The following IMMT variants were observed in gnomAD, a reference collection of about 807,000 sequenced individuals.
The protein encoded by IMMT is MICOS complex subunit MIC60.
A neutral mutation model predicts 92.7 loss-of-function variants in IMMT; 40 were observed. The observed-to-expected ratio is 0.43, with a 90% CI of 0.34 to 0.56. IMMT has a LOEUF of 0.56. Ranked by LOEUF, IMMT falls within the 20% of genes least tolerant of loss-of-function variation. The pLI is 0.03. For synonymous variants in IMMT, 322 were observed against 336.1 expected, an observed-to-expected ratio of 0.96 and a Z score of 0.46; for missense variants, 831 against 912.1, an observed-to-expected ratio of 0.91 and a Z score of 1.14.
At chr2:86,178,603 G>A (rs1181723343) in intron 3 of IMMT, among the ~76,000 whole-genome samples, 1 of 151,092 alleles carries the variant, frequency 6.6e-6, no homozygotes, top group Non-Finnish European at 1.5e-5. Context: ...TCCAGCCTGG[G>A]CAACAGAGCA....
chr2:86,162,059 A>G lies in IMMT; in HGVS notation c.813T>C (p.Ser271=), dbSNP rs374856898. The change falls in exon 8 of 15, where the codon TCT becomes TCC. Residue 271 remains serine, a synonymous_variant. Coordinates refer to ENST00000410111, the MANE Select transcript of IMMT (RefSeq NM_006839.3). The stretch of plus-strand genomic sequence containing the variant: ...CACCCTCCACTGTGCGCCACTGAGC[A>G]GATTTCTTCTCGCCTGCAATCTAAA... ...DNSEIAGEKK[S]AQWRTVEGAL... is the part of the protein sequence containing the mutation. The G allele has an allele frequency of 6.3e-4, 1,007 of 1,595,704 alleles. 1 individual carries two copies. Among genetic ancestry groups the G allele is most frequent in the Non-Finnish European group, 8.0e-4 (936 of 1,173,094 alleles).
intron 3 of IMMT, among the ~76,000 whole-genome samples, chr2:86,176,938 T>G (rs541885752): frequency 6.6e-6 from 1 of 152,224 alleles, no homozygotes; most frequent in South Asian, 2.1e-4. Context: ...CCTTGACTTA[T>G]GAAGCTGCAA....
intron 2 of IMMT, among the ~76,000 whole-genome samples, chr2:86,180,920 C>T (rs1187198539): frequency 6.6e-6 from 1 of 151,836 alleles, no homozygotes; most frequent in East Asian, 1.9e-4. Flanking sequence ...TAATAAAATG[C>T]CAAATAAATT....
chr2:86,187,050 C>G (rs1358871696), intron 1 of IMMT, among the ~76,000 whole-genome samples: 1 of 152,038 alleles, frequency 6.6e-6, no homozygotes, highest in African/African-American at 2.4e-5. Flanking sequence ...GACAAAATCC[C>G]CTTAACATAA....
At chr2:86,153,423 G>C in intron 11 of IMMT, 137 bp downstream of exon 11, 1 of 500,946 alleles carries the variant, frequency 2.0e-6, no homozygotes, top group East Asian at 3.6e-5. Context: ...ATCCAATTCA[G>C]ATTTATCATG....
chr2:86,166,451 CT>C (rs942429562), intron 7 of IMMT, 56 bp downstream of exon 7: 9 of 1,527,494 alleles, frequency 5.9e-6, no homozygotes, highest in Non-Finnish European at 7.1e-6. Flanking sequence ...CTCGATTTTT[CT>C]TTTTGTCCTC....
At position 86,144,126 on chromosome 2, in the gene IMMT, G is replaced by T; in HGVS notation, c.*142C>A. 2 of 836,804 alleles carry T rather than the reference G, an allele frequency of 2.4e-6. No individual in the cohort carries two copies. The highest frequency in any genetic ancestry group is 3.7e-6 in the Non-Finnish European group (2 of 547,472). 51.8% of individuals were successfully genotyped at this position (836,804 alleles called of 1,614,324 possible). ...GATAGCAAATGGAAAGAATATAAATGCAACAGGTGTTAACATTTAGAACAG... is the reference window on the plus strand; with the variant it reads ...GATAGCAAATGGAAAGAATATAAATTCAACAGGTGTTAACATTTAGAACAG... On this transcript the variant is annotated 3_prime_UTR_variant, in exon 15 of 15. Coordinates refer to ENST00000410111, the MANE Select transcript of IMMT (RefSeq NM_006839.3).
chr2:86,170,966 T>TA, intron 5 of IMMT, 122 bp from the exon 6 acceptor site: 2 of 754,632 alleles, frequency 2.7e-6, no homozygotes, highest in Non-Finnish European at 4.3e-6. Context: ...ATTTTTGTGT[T>TA]AAGAATTCTA....
chr2:86,151,462 A>T lies in IMMT; in HGVS notation c.1236T>A (p.Ile412=). Residue 412 remains isoleucine (I), a synonymous_variant, in exon 12 of 15, where the codon ATT becomes ATA. Coordinates refer to ENST00000410111, the MANE Select transcript of IMMT (RefSeq NM_006839.3). ...NSLIAHAHRR[I]DQLNRELAEQ... ...CTGCCAGCTCTCTGTTCAGCTGATC[A>T]ATACGACGATGTGCATGAGCAATGA... is the stretch of plus-strand genomic sequence containing the variant. The T allele has an allele frequency of 6.2e-7, 1 of 1,614,010 alleles. No homozygotes were observed. The highest frequency in any genetic ancestry group is 8.5e-7 in the Non-Finnish European group (1 of 1,179,894).
intron 8 of IMMT, among the ~76,000 whole-genome samples, chr2:86,160,653 G>A (rs899946580): frequency 5.4e-5 from 8 of 148,646 alleles, no homozygotes; most frequent in African/African-American, 1.2e-4. Context: ...TACTGCTGAT[G>A]AGGATCTTTA....
intron 1 of IMMT, among the ~76,000 whole-genome samples, chr2:86,182,610 G>T (rs1344960463): frequency 6.6e-6 from 1 of 152,146 alleles, no homozygotes; most frequent in Non-Finnish European, 1.5e-5. Context: ...AGGGTGAGCG[G>T]CGCAGGCGGG....
intron 12 of IMMT, among the ~76,000 whole-genome samples, chr2:86,149,212 T>C (rs1675278153): frequency 6.6e-6 from 1 of 152,164 alleles, no homozygotes. Flanking sequence ...AAGTGACATC[T>C]AGGCTTAAAA....
intron 2 of IMMT, among the ~76,000 whole-genome samples, chr2:86,180,454 C>T (rs1398070307): frequency 5.9e-5 from 9 of 151,552 alleles, no homozygotes; most frequent in South Asian, 2.1e-4. Flanking sequence ...TTAGTAGAGA[C>T]GGGGTTTCAC....
At chr2:86,190,936 C>A (rs1258728329) in intron 1 of IMMT, among the ~76,000 whole-genome samples, 1 of 152,150 alleles carries the variant, frequency 6.6e-6, no homozygotes, top group Admixed American at 6.5e-5. Context: ...TTGCAGTGAG[C>A]CGAGATTGCA....
At position 86,173,673 on chromosome 2, in the gene IMMT, C is replaced by T. The variant is rs1438947171; in HGVS notation, c.398G>A (p.Gly133Glu). 6.3e-7 allele frequency: 1 copy of T among 1,594,134 alleles called. No homozygotes were observed. Among genetic ancestry groups the T allele is most frequent in the Non-Finnish European group, 8.6e-7 (1 of 1,162,578 alleles). ...QPASQLQKQK[G>E]DTPASATAPT... is the part of the protein sequence containing the mutation. ...ACCTGTTGCTGAAGCTGGAGTATCT[C>T]CCTTTTGTTTTTGGAGTTGTGAGGC... is the stretch of plus-strand genomic sequence containing the variant. The change falls in exon 4 of 15, where the codon GGA becomes GAA. Residue 133 changes from glycine to glutamate, a missense_variant. By Grantham distance (98) the Gly-to-Glu change is moderately conservative. Transcript: ENST00000410111.
chr2:86,181,171 C>A, intron 2 of IMMT, 128 bp downstream of exon 2: 1 of 620,760 alleles, frequency 1.6e-6, no homozygotes, highest in Non-Finnish European at 2.9e-6. Context: ...AATGTTACAG[C>A]AAAGCTTCGG....
At chr2:86,189,938 T>C (rs915781802) in intron 1 of IMMT, among the ~76,000 whole-genome samples, 4 of 152,248 alleles carry the variant, frequency 2.6e-5, no homozygotes, top group Admixed American at 6.5e-5. Flanking sequence ...TATAAACATA[T>C]TCTATTCTAG....
chr2:86,156,409 T>G (rs916701415), intron 10 of IMMT, among the ~76,000 whole-genome samples: 2 of 151,966 alleles, frequency 1.3e-5, no homozygotes, highest in Non-Finnish European at 2.9e-5. Flanking sequence ...CTGACCAACA[T>G]GGTGAAACCC....
At chr2:86,153,346 A>T (rs1332249778) in intron 11 of IMMT, among the ~76,000 whole-genome samples, 1 of 116,548 alleles carries the variant, frequency 8.6e-6, no homozygotes, top group Non-Finnish European at 1.8e-5. Flanking sequence ...CACACACTTC[A>T]CATCTATAGG....
Sources: gnomAD v4.1 joint callset for allele counts (sites outside exome capture counted in the v4.1 genomes callset) on GRCh38, gnomAD v4.1.1 for gene constraint, MANE v1.5 for transcripts, NCBI Gene and HGNC (gene_info 2026-07-23, HGNC 2026-07-21) for gene names.